AOPEP: variants seen among roughly 807,000 people sequenced by gnomAD.
The protein encoded by AOPEP is aminopeptidase O (putative), also known as aminopeptidase O.
In AOPEP, 77 loss-of-function variants were observed where a neutral mutation model predicts 98.1. That is an observed-to-expected ratio of 0.78 (90% CI 0.65 to 0.95). The LOEUF (loss-of-function observed/expected upper bound fraction) is 0.95. Among genes scored for constraint, AOPEP ranks in the 40% least tolerant of loss-of-function variants. The pLI is 0.00. For synonymous variants in AOPEP, 346 were observed against 365.3 expected (o/e 0.95, Z 0.60); for missense variants, 1,024 against 1,024.7 (o/e 1.00, Z 0.01).
chr9:94,954,074 A>G (rs1001389668), intron 7 of AOPEP, among the ~76,000 whole-genome samples: 5 of 152,142 alleles, frequency 3.3e-5, no homozygotes, highest in Non-Finnish European at 5.9e-5. Context: ...TGTAATCCCA[A>G]CGCTTTGGGA....
At chr9:94,778,443 C>CAAA (rs34475660) in intron 3 of AOPEP, among the ~76,000 whole-genome samples, 1,932 of 138,032 alleles carry the variant, frequency 0.014, 39 homozygotes, top group African/African-American at 0.047. Flanking sequence ...ACTGATAAAT[C>CAAA]AAAAAAAAAA....
intron 5 of AOPEP, among the ~76,000 whole-genome samples, chr9:94,884,841 T>C (rs527558594): frequency 6.7e-6 from 1 of 148,688 alleles, no homozygotes; most frequent in South Asian, 2.2e-4. Context: ...GAAACCCGTC[T>C]CTATTAAAAA....
intron 9 of AOPEP, among the ~76,000 whole-genome samples, chr9:94,959,494 T>A (rs1211892576): frequency 6.6e-6 from 1 of 152,226 alleles, no homozygotes; most frequent in Non-Finnish European, 1.5e-5. Context: ...ATGTAAGCAT[T>A]CACTTCTGGA....
intron 5 of AOPEP, among the ~76,000 whole-genome samples, chr9:94,827,426 C>T (rs1034453891): frequency 1.3e-5 from 2 of 152,168 alleles, no homozygotes; most frequent in Non-Finnish European, 2.9e-5. Flanking sequence ...CAGATAGTTT[C>T]TTAGAACATT....
At chr9:95,028,501 A>C (rs186844504) in intron 13 of AOPEP, among the ~76,000 whole-genome samples, 8 of 152,372 alleles carry the variant, frequency 5.3e-5, no homozygotes, top group Admixed American at 3.9e-4. Context: ...TTGGGCTTAG[A>C]AATTCTTTTA....
intron 5 of AOPEP, among the ~76,000 whole-genome samples, chr9:94,855,579 C>T (rs552612635): frequency 3.6e-4 from 55 of 151,982 alleles, no homozygotes; most frequent in African/African-American, 9.7e-4. Flanking sequence ...CCCAGCTACT[C>T]GGGAGTCTGA....
At chr9:94,737,677 A>C (rs1442109078) in intron 1 of AOPEP, among the ~76,000 whole-genome samples, 1 of 152,246 alleles carries the variant, frequency 6.6e-6, no homozygotes, top group Non-Finnish European at 1.5e-5. Flanking sequence ...TATAATGTGT[A>C]AAGTTTAGTC....
At chr9:94,939,756 C>T (rs1015291596) in intron 7 of AOPEP, among the ~76,000 whole-genome samples, 26 of 152,238 alleles carry the variant, frequency 1.7e-4, no homozygotes, top group South Asian at 6.2e-4. Context: ...TCAGTATCCT[C>T]GGGGCATTGG....
intron 13 of AOPEP, among the ~76,000 whole-genome samples, chr9:95,015,177 A>C (rs756787696): frequency 1.3e-5 from 2 of 152,222 alleles, no homozygotes; most frequent in Non-Finnish European, 2.9e-5. Context: ...TATGGTGGGA[A>C]ATTGGATAAT....
chr9:95,125,583 A>G, the AOPEP span, among the ~76,000 whole-genome samples: 2 of 152,222 alleles, frequency 1.3e-5, no homozygotes, highest in African/African-American at 4.8e-5. Flanking sequence ...TAGGAAAATA[A>G]TGTGTGTGTA....
chr9:94,876,125 T>C (rs1467220715), intron 5 of AOPEP, among the ~76,000 whole-genome samples: 1 of 152,210 alleles, frequency 6.6e-6, no homozygotes, highest in Non-Finnish European at 1.5e-5. Context: ...GTCATAGTCC[T>C]TGTTCAGGGT....
downstream of AOPEP, among the ~76,000 whole-genome samples, chr9:95,091,904 C>T (rs1178618600): frequency 6.6e-6 from 1 of 152,162 alleles, no homozygotes; most frequent in African/African-American, 2.4e-5. Context: ...GGAGGCCCAG[C>T]CTGAGAAGCC....
At chr9:95,150,185 C>T in the AOPEP span, 14 of 1,224,932 alleles carry the variant, frequency 1.1e-5, no homozygotes, top group African/African-American at 2.1e-4. Context: ...AGACAGATCA[C>T]CTGTTTTGCC....
At chr9:94,940,016 A>G (rs890341126) in intron 7 of AOPEP, among the ~76,000 whole-genome samples, 2 of 152,238 alleles carry the variant, frequency 1.3e-5, no homozygotes, top group African/African-American at 2.4e-5. Flanking sequence ...AAGATATTTC[A>G]TTTGTATGTA....
At chr9:95,053,001 T>C (rs935033831) in intron 13 of AOPEP, among the ~76,000 whole-genome samples, 8 of 152,178 alleles carry the variant, frequency 5.3e-5, no homozygotes, top group African/African-American at 1.9e-4. Flanking sequence ...CACTTAGTGC[T>C]AGGAGGTCTT....
chr9:95,106,926 T>C, the AOPEP span: 2 of 828,326 alleles, frequency 2.4e-6, no homozygotes, highest in African/African-American at 3.4e-5. Context: ...ATCCCAGCTG[T>C]CAACCTCCTT....
At chr9:95,045,172 C>T (rs1203497083) in intron 13 of AOPEP, among the ~76,000 whole-genome samples, 1 of 152,216 alleles carries the variant, frequency 6.6e-6, no homozygotes, top group Non-Finnish European at 1.5e-5. Context: ...CAGCCAACGG[C>T]GCCCCTAGCG....
At chr9:94,781,094 T>C (rs563488897) in intron 3 of AOPEP, among the ~76,000 whole-genome samples, 3 of 151,940 alleles carry the variant, frequency 2.0e-5, no homozygotes, top group Non-Finnish European at 4.4e-5. Context: ...TGTTATTCTT[T>C]TTTTTTTTTT....
chr9:94,909,837 TC>T (rs1316605640), intron 5 of AOPEP, among the ~76,000 whole-genome samples: 1 of 152,066 alleles, frequency 6.6e-6, no homozygotes, highest in African/African-American at 2.4e-5. Flanking sequence ...CTGTCATGAG[TC>T]CGCCATGGCA....
Sources: gnomAD v4.1 joint callset for allele counts (sites outside exome capture counted in the v4.1 genomes callset) on GRCh38, gnomAD v4.1.1 for gene constraint, MANE v1.5 for transcripts, NCBI Gene and HGNC (gene_info 2026-07-23, HGNC 2026-07-21) for gene names.